The following TRDMT1 variants were observed in gnomAD, a reference collection of about 807,000 sequenced individuals.
The protein encoded by TRDMT1 is tRNA (cytosine(38)-C(5))-methyltransferase.
In TRDMT1, 49 loss-of-function variants were observed where a neutral mutation model predicts 51.2. The ratio of observed to expected loss-of-function variants is 0.96; its 90% CI spans 0.76 to 1.21. The LOEUF is 1.21. Ranked by LOEUF, TRDMT1 falls within the 50% of genes most tolerant of loss-of-function variation. The probability of loss-of-function intolerance (pLI) is 0.00; values close to 1 mark genes in which losing one functional copy is unlikely to be tolerated. For synonymous variants in TRDMT1, 187 were observed against 164.6 expected, an observed-to-expected ratio of 1.14 and a Z score of -1.04; for missense variants, 534 against 462.3, an observed-to-expected ratio of 1.16 and a Z score of -1.42.
intron 1 of TRDMT1, among the ~76,000 whole-genome samples, chr10:17,200,360 T>A (rs1404178212): frequency 6.6e-6 from 1 of 152,100 alleles, no homozygotes; most frequent in Non-Finnish European, 1.5e-5. Context: ...AGTACTAGAG[T>A]TTTGCTTTGA....
chr10:17,153,144 T>C (rs1372501193), intron 10 of TRDMT1: 14 of 347,862 alleles, frequency 4.0e-5, no homozygotes, highest in Non-Finnish European at 5.2e-5. Flanking sequence ...AAAGCATTCT[T>C]TCACAAGCTC....
chr10:17,150,592 T>G, intron 10 of TRDMT1: 1 of 985,214 alleles, frequency 1.0e-6, no homozygotes, highest in Non-Finnish European at 1.2e-6. Context: ...CAGCATACTC[T>G]AGCATAGCAA....
rs538679152 is a variant in TRDMT1, at chr10:17,157,294, C to T, written c.887+147G>A. On this transcript the variant is annotated intron_variant, in intron 8 of 10. Transcript: ENST00000377799. ...AATTTTTACTTGTGTTCTACTGGAA[C>T]ATGAAGTAGGCAATTAAGGGAAAAT... The T allele has an allele frequency of 3.5e-4, 244 of 700,418 alleles. 5 individuals carry two copies. The South Asian group carries it at 5.0e-3, about 14-fold the overall frequency. The allele number at this position is 700,418 out of a possible 1,614,324, so 43.4% of individuals were successfully genotyped here. A position where few individuals can be genotyped will look rare whatever the true frequency, so the allele number is the denominator to read the frequency against.
intron 1 of TRDMT1, among the ~76,000 whole-genome samples, chr10:17,198,287 T>C (rs1278265194): frequency 6.6e-6 from 1 of 152,198 alleles, no homozygotes; most frequent in Admixed American, 6.5e-5. Flanking sequence ...GATCCAGCAA[T>C]TCCACTGCTA....
chr10:17,191,190 G>C (rs182319684), intron 1 of TRDMT1, among the ~76,000 whole-genome samples: 6 of 152,172 alleles, frequency 3.9e-5, no homozygotes, highest in African/African-American at 1.4e-4. Flanking sequence ...TGGCCCCAGA[G>C]AGAAAGTGTC....
At chr10:17,150,430 G>C (rs1404699114) in intron 10 of TRDMT1, 27 of 985,064 alleles carry the variant, frequency 2.7e-5, no homozygotes, top group Non-Finnish European at 3.3e-5. Flanking sequence ...TTCTCATATT[G>C]GACTTCCATT....
intron 1 of TRDMT1, among the ~76,000 whole-genome samples, chr10:17,180,959 TA>T (rs1286654390): frequency 6.6e-6 from 1 of 152,252 alleles, no homozygotes; most frequent in Non-Finnish European, 1.5e-5. Context: ...GAAATTTTAC[TA>T]ATATGTTTTA....
rs979596251 is a variant in TRDMT1, at chr10:17,148,482, T to C, written c.*558A>G. 2 of 985,370 alleles carry C rather than the reference T, an allele frequency of 2.0e-6. No individual in the cohort carries two copies. The highest frequency in any genetic ancestry group is 2.4e-6 in the Non-Finnish European group (2 of 829,932). 61.0% of individuals were successfully genotyped at this position (985,370 alleles called of 1,614,324 possible). ...GCTTCATGGAGAGGTAATCAAACAT[T>C]TAGGATTATTTTTCCTGACATATTC... On this transcript the variant is annotated 3_prime_UTR_variant, in exon 11 of 11. Coordinates refer to ENST00000377799, the MANE Select transcript of TRDMT1 (RefSeq NM_004412.7).
chr10:17,197,262 G>A (rs146805430), intron 1 of TRDMT1, among the ~76,000 whole-genome samples: 4 of 152,216 alleles, frequency 2.6e-5, no homozygotes, highest in African/African-American at 4.8e-5. Flanking sequence ...CAATTCAATA[G>A]TAACCTCAAT....
intron 1 of TRDMT1, among the ~76,000 whole-genome samples, chr10:17,192,484 C>A (rs1318084940): frequency 1.3e-5 from 2 of 152,164 alleles, no homozygotes; most frequent in African/African-American, 4.8e-5. Context: ...TTTCACAACC[C>A]CAGCATCTCC....
chr10:17,195,470 G>A (rs534205373), intron 1 of TRDMT1, among the ~76,000 whole-genome samples: 1 of 152,110 alleles, frequency 6.6e-6, no homozygotes, highest in Non-Finnish European at 1.5e-5. Context: ...AAGGGGGGCA[G>A]CAAAGGTTAA....
intron 3 of TRDMT1, among the ~76,000 whole-genome samples, chr10:17,166,164 A>C (rs968746616): frequency 6.6e-6 from 1 of 152,150 alleles, no homozygotes; most frequent in Non-Finnish European, 1.5e-5. Context: ...AATGTGGCAC[A>C]TATACACCAT....
intron 1 of TRDMT1, among the ~76,000 whole-genome samples, chr10:17,189,555 T>G (rs1844413328): frequency 1.3e-5 from 2 of 152,126 alleles, no homozygotes; most frequent in Admixed American, 6.5e-5. Context: ...TCAAATAATA[T>G]AGTTTTAACA....
rs1838365018 is a variant in TRDMT1 at position 17,149,092 on chromosome 10, T to C, written c.1124A>G (p.Asn375Ser). 2 of 1,611,896 alleles carry C rather than the reference T, an allele frequency of 1.2e-6. No homozygotes were observed. Among genetic ancestry groups the C allele is most frequent in the Non-Finnish European group, 1.7e-6 (2 of 1,179,278 alleles). ...TVKQRYRLLG[N>S]SLNVHVVAKL... ...AGCTACTACATGCACGTTGAGACTA[T>C]TTCCAAGTAGGCGATAACGCTGTTT... Residue 375 changes from asparagine (N) to serine (S), a missense_variant, in exon 11 of 11, where the codon AAT (asparagine) becomes AGT (serine). Coordinates refer to ENST00000377799, the MANE Select transcript of TRDMT1 (RefSeq NM_004412.7).
chr10:17,168,662 A>G (rs1047391987), intron 3 of TRDMT1, among the ~76,000 whole-genome samples, 179 bp downstream of exon 3: 2 of 152,102 alleles, frequency 1.3e-5, no homozygotes, highest in African/African-American at 2.4e-5. Context: ...CTCTCTCTTT[A>G]CCTGCTGCCC....
At chr10:17,161,398 G>C (rs938587064) in intron 5 of TRDMT1, 85 bp downstream of exon 5, 9 of 1,049,956 alleles carry the variant, frequency 8.6e-6, no homozygotes, top group Non-Finnish European at 8.8e-6. Context: ...GTATGCACTG[G>C]TTTTTAAGAT....
At chr10:17,155,369 T>C (rs940809695) in intron 8 of TRDMT1, among the ~76,000 whole-genome samples, 36 of 152,350 alleles carry the variant, frequency 2.4e-4, no homozygotes, top group African/African-American at 7.7e-4. Flanking sequence ...ATGCACTTTA[T>C]ATTCAAATAT....
chr10:17,190,313 C>A (rs903156212), intron 1 of TRDMT1, among the ~76,000 whole-genome samples: 4 of 151,944 alleles, frequency 2.6e-5, no homozygotes, highest in Non-Finnish European at 5.9e-5. Flanking sequence ...GTAACCTTGA[C>A]CTTATTTATC....
chr10:17,180,016 G>A (rs1176223177), intron 1 of TRDMT1, among the ~76,000 whole-genome samples: 1 of 152,082 alleles, frequency 6.6e-6, no homozygotes, highest in Admixed American at 6.6e-5. Context: ...GATACTCTAT[G>A]AGCATTTAAG....
Sources: gnomAD v4.1 joint callset for allele counts (sites outside exome capture counted in the v4.1 genomes callset) on GRCh38, gnomAD v4.1.1 for gene constraint, MANE v1.5 for transcripts, NCBI Gene and HGNC (gene_info 2026-07-23, HGNC 2026-07-21) for gene names.